The following VWF variants were observed in gnomAD, a reference collection of about 807,000 sequenced individuals.
VWF encodes the protein Factor VIII related antigen.
Under a neutral mutation model 308.6 loss-of-function variants are expected in VWF, and 176 were observed. The observed-to-expected ratio is 0.57, with a 90% CI of 0.50 to 0.65. The LOEUF (loss-of-function observed/expected upper bound fraction) is 0.65. Ranked by LOEUF, VWF falls within the 30% of genes least tolerant of loss-of-function variation. VWF has a pLI of 0.00. For synonymous variants in VWF, 1,385 were observed against 1,443.4 expected (o/e 0.96, Z 0.92); for missense variants, 3,146 against 3,648.2 (o/e 0.86, Z 3.55).
chr12:6,077,410 G>C (rs1250789908), intron 6 of VWF, among the ~76,000 whole-genome samples: 1 of 152,212 alleles, frequency 6.6e-6, no homozygotes, highest in Non-Finnish European at 1.5e-5. Flanking sequence ...CATGGGGACA[G>C]CCATCAGCTG....
intron 5 of VWF, among the ~76,000 whole-genome samples, chr12:6,101,436 T>TAA (rs368352820): frequency 1.0e-4 from 15 of 144,522 alleles, no homozygotes; most frequent in African/African-American, 3.5e-4. Flanking sequence ...ATAAAGAGCT[T>TAA]AAAAAAAAAA....
intron 20 of VWF, among the ~76,000 whole-genome samples, chr12:6,031,868 C>T (rs1423417055): frequency 6.6e-6 from 1 of 152,096 alleles, no homozygotes; most frequent in Non-Finnish European, 1.5e-5. Context: ...TGGCCTGCTT[C>T]GATGGATGCA....
intron 30 of VWF, 83 bp from the exon 31 acceptor site, chr12:6,016,315 T>C: frequency 1.3e-6 from 2 of 1,599,300 alleles, no homozygotes; most frequent in Non-Finnish European, 1.7e-6. Flanking sequence ...TTAAGTCACT[T>C]AAAAGCTGAA....
intron 5 of VWF, 118 bp from the exon 6 acceptor site, chr12:6,095,702 G>T: frequency 6.9e-7 from 1 of 1,459,232 alleles, no homozygotes; most frequent in Non-Finnish European, 9.5e-7. Context: ...TTTATAAAGA[G>T]ACAGGGTCTG....
intron 14 of VWF, among the ~76,000 whole-genome samples, chr12:6,057,491 T>TATTATTATC (rs1944595417): frequency 1.6e-5 from 2 of 123,712 alleles, no homozygotes; most frequent in Non-Finnish European, 3.5e-5. Flanking sequence ...TTATTATTAT[T>TATTATTATC]ATTATTATTA....
intron 6 of VWF, among the ~76,000 whole-genome samples, chr12:6,094,879 ATTT>A (rs386375484): frequency 0.094 from 9,850 of 104,810 alleles, 685 homozygotes; most frequent in African/African-American, 0.26. Flanking sequence ...TGCCCAGCTA[ATTT>A]TTTTTTTTTT....
At position 6,073,738 on chromosome 12, in the gene VWF, G is replaced by A. The variant is rs1309430763; in HGVS notation, c.878C>T (p.Pro293Leu). 3 of 1,613,790 alleles carry A rather than the reference G, an allele frequency of 1.9e-6. No homozygotes were observed. In the South Asian group the frequency reaches 3.3e-5, roughly 18 times the overall value. The change falls in exon 8 of 52, where the codon CCA becomes CTA. Residue 293 changes from proline to leucine, a missense_variant. This residue lies in a region of VWF where 1,304 missense variants were observed against 1,353.0 expected (regional missense o/e 0.96). Coordinates refer to ENST00000261405, the MANE Select transcript of VWF (RefSeq NM_000552.5). ...YGWTDHSACSPVCPAGMEYRQ... is the reference protein window; with the variant it reads ...YGWTDHSACSLVCPAGMEYRQ... ...ATACTCCATACCAGCAGGGCACACT[G>A]GGCCTGAAAAGGAACATCAAAGGGG...
At chr12:6,057,778 G>A (rs1344965798) in intron 14 of VWF, 71 bp downstream of exon 14, 6 of 1,495,776 alleles carry the variant, frequency 4.0e-6, no homozygotes, top group East Asian at 4.6e-5. Context: ...CACTGCCTCC[G>A]GAACGCACTG....
At chr12:6,021,809 T>C in intron 27 of VWF, 91 bp downstream of exon 27, 3 of 1,497,922 alleles carry the variant, frequency 2.0e-6, no homozygotes, top group Non-Finnish European at 2.8e-6. Context: ...CTCATGTGGC[T>C]AGGACTTTTT....
rs1944641011 is a variant in VWF, at chr12:6,060,389, C to G, written c.1534-2345G>C. 6.6e-6 allele frequency among the ~76,000 whole-genome samples: 1 copy of G among 151,994 alleles called. No homozygotes were observed. The highest frequency in any genetic ancestry group is 6.5e-5 in the Admixed American group (1 of 15,274). ...CCAGGGGAAGGAGACCGGGGGGCCC[C>G]TAGCTGCACCTCCTCTTGCACCGCC... On this transcript the variant is annotated intron_variant, in intron 13 of 51. Transcript: ENST00000261405. The surrounding 1 kb of genome is among the most constrained non-coding windows in gnomAD (Gnocchi z 5.1).
chr12:5,973,455 G>C (rs981567000), intron 43 of VWF, among the ~76,000 whole-genome samples: 2 of 152,212 alleles, frequency 1.3e-5, no homozygotes, highest in African/African-American at 4.8e-5. Context: ...AAATGGAGGT[G>C]GTAGATGCCA....
At chr12:6,030,896 G>T (rs1413918982) in intron 21 of VWF, among the ~76,000 whole-genome samples, 2 of 152,114 alleles carry the variant, frequency 1.3e-5, no homozygotes, top group South Asian at 4.1e-4. Context: ...GGGCACGGTG[G>T]TGTACACCTG....
chr12:6,057,026 G>C lies in VWF; in HGVS notation c.1776C>G (p.Phe592Leu). The part of the protein sequence containing the change: ...EACAVLTSPT[F>L]EACHRAVSPL... The stretch of plus-strand genomic sequence containing the variant: ...GGCTGACGGCACGATGGCAGGCCTC[G>C]AATGTGGGGGACGTCAGGACCGCGC... The change falls in exon 15 of 52, where the codon TTC becomes TTG. Residue 592 changes from phenylalanine to leucine, a missense_variant. Transcript: ENST00000261405. 1 of 1,549,480 alleles carries C rather than the reference G, an allele frequency of 6.5e-7. No individual in the cohort carries two copies. The highest frequency in any genetic ancestry group is 1.2e-5 in the South Asian group (1 of 84,706).
intron 3 of VWF, among the ~76,000 whole-genome samples, chr12:6,112,852 A>ACC (rs1945324706): frequency 3.4e-5 from 5 of 147,206 alleles, no homozygotes; most frequent in African/African-American, 1.3e-4. Flanking sequence ...ACACACACAC[A>ACC]CCACACGCAC....
Position 6,110,298 on chromosome 12 carries a change from G to A in VWF, c.532+76C>T, listed in dbSNP as rs957733116. On this transcript the variant is annotated intron_variant, in intron 5 of 51. Transcript: ENST00000261405. ...GAGGCTTGAATGCCAGGGAAGGCAT[G>A]TTAGTGAAGGTTTATGAGCAAGGAA... 2.7e-6 allele frequency: 4 copies of A among 1,479,546 alleles called. No homozygotes were observed. In the African/African-American group the frequency reaches 5.5e-5, roughly 20 times the overall value. The allele number at this position is 1,479,546 out of a possible 1,614,324, so 91.7% of individuals were successfully genotyped here. A position where few individuals can be genotyped will look rare whatever the true frequency, so the allele number is the denominator to read the frequency against.
At chr12:6,049,713 G>T (rs1364975911) in intron 16 of VWF, among the ~76,000 whole-genome samples, 3 of 152,176 alleles carry the variant, frequency 2.0e-5, no homozygotes, top group Non-Finnish European at 2.9e-5. Context: ...GTTGTTTTAA[G>T]GTCCCAGAGA....
At chr12:6,056,814 T>G in intron 15 of VWF, 43 bp downstream of exon 15, 1 of 1,340,034 alleles carries the variant, frequency 7.5e-7, no homozygotes, top group Non-Finnish European at 9.5e-7. Flanking sequence ...GTGGACGGAT[T>G]TGGGGGGCGG....
rs1262362572 is a variant in VWF, at chr12:6,016,740, C to G, written c.5170+14G>C. 2 of 1,614,098 alleles carry G rather than the reference C, an allele frequency of 1.2e-6. No individual in the cohort carries two copies. Among genetic ancestry groups the G allele is most frequent in the Non-Finnish European group, 1.7e-6 (2 of 1,179,904 alleles). On this transcript the variant is annotated intron_variant, in intron 29 of 51. Transcript: ENST00000261405. ...TCTTCGTCACCTGCTGCTTCAGGTG[C>G]CTCGCTCACCCACCTATATTGGCTT...
chr12:6,089,230 T>C (rs1033790422), intron 6 of VWF, among the ~76,000 whole-genome samples: 1 of 152,182 alleles, frequency 6.6e-6, no homozygotes, highest in African/African-American at 2.4e-5. Context: ...GACGAGTCAT[T>C]GTGCTTCCGA....
Sources: gnomAD v4.1 joint callset for allele counts (sites outside exome capture counted in the v4.1 genomes callset) on GRCh38, gnomAD v4.1.1 for gene constraint, gnomAD v4.1.1 regional missense constraint, Gnocchi (gnomAD v3.1) non-coding constraint, MANE v1.5 for transcripts, NCBI Gene and HGNC (gene_info 2026-07-23, HGNC 2026-07-21) for gene names.